SIAH1: variants seen among roughly 807,000 people sequenced by gnomAD.
The protein encoded by SIAH1 is E3 ubiquitin-protein ligase SIAH1.
In SIAH1, 2 loss-of-function variants were observed where a neutral mutation model predicts 20.0. The observed-to-expected ratio is 0.10, with a 90% CI of 0.04 to 0.31. The LOEUF is 0.31. Among genes scored for constraint, SIAH1 ranks in the 10% least tolerant of loss-of-function variants. The pLI, the probability that SIAH1 is intolerant of heterozygous loss-of-function variation, is 1.00. For missense variants in SIAH1, 119 were observed against 355.3 expected (o/e 0.33, Z 5.35); for synonymous variants, 118 against 125.3 (o/e 0.94, Z 0.39).
At chr16:48,375,175 G>A (rs1220041235) in intron 1 of SIAH1, among the ~76,000 whole-genome samples, 1 of 152,142 alleles carries the variant, frequency 6.6e-6, no homozygotes, top group Non-Finnish European at 1.5e-5. Flanking sequence ...TGGCAAAGGA[G>A]TGAGTGTGTA....
chr16:48,375,752 C>T (rs1227241929), intron 1 of SIAH1, among the ~76,000 whole-genome samples: 1 of 152,118 alleles, frequency 6.6e-6, no homozygotes, highest in African/African-American at 2.4e-5. Context: ...AATAGATATG[C>T]ACATTGATGT....
intron 1 of SIAH1, among the ~76,000 whole-genome samples, chr16:48,370,984 G>A (rs1960970752): frequency 6.6e-6 from 1 of 151,784 alleles, no homozygotes; most frequent in African/African-American, 2.4e-5. Flanking sequence ...TGTGGTGGCA[G>A]GTGCCTGTAA....
At chr16:48,365,760 C>T in intron 1 of SIAH1, 1 of 1,347,160 alleles carries the variant, frequency 7.4e-7, no homozygotes, top group South Asian at 2.2e-5. Flanking sequence ...TCGTCTGTCT[C>T]CCAAGTTTGT....
At chr16:48,368,418 G>C (rs1051129127) in intron 1 of SIAH1, among the ~76,000 whole-genome samples, 2 of 152,238 alleles carry the variant, frequency 1.3e-5, no homozygotes, top group Non-Finnish European at 2.9e-5. Context: ...AAAAACAGCT[G>C]GGCGTGGTGG....
rs1304867644 is a variant in SIAH1 at position 48,362,845 on chromosome 16, G to C, written c.-2-415C>G. The C allele has an allele frequency of 5.2e-6, 1 of 193,022 alleles. No homozygotes were observed. The highest frequency in any genetic ancestry group is 1.2e-5 in the Non-Finnish European group (1 of 84,308). The allele number at this position is 193,022 out of a possible 1,614,324, so 12.0% of individuals were successfully genotyped here. A position where few individuals can be genotyped will look rare whatever the true frequency, so the allele number is the denominator to read the frequency against. ...TCTTTCTAATTTGGAGTCAGCTGTT[G>C]ATAGGTACAGGGAGTTACAGGTGAA... On this transcript the variant is annotated intron_variant, in intron 1 of 1. Transcript: ENST00000394725. This position sits in a 1 kb window ranked among gnomAD's most constrained non-coding sequence, Gnocchi z 4.2.
intron 1 of SIAH1, among the ~76,000 whole-genome samples, chr16:48,375,080 C>T (rs1961073887): frequency 2.0e-5 from 3 of 152,180 alleles, no homozygotes; most frequent in South Asian, 2.1e-4. Flanking sequence ...AACCCGGGCA[C>T]GGAGGTTGCA....
chr16:48,380,945 A>AAAAAAAAAAAAAAAAAAAC, intron 1 of SIAH1, among the ~76,000 whole-genome samples: 3 of 150,224 alleles, frequency 2.0e-5, no homozygotes, highest in Non-Finnish European at 4.4e-5. Flanking sequence ...AAAAAAAAAA[A>AAAAAAAAAAAAAAAAAAAC]GAACGGCTAA....
rs141263408 is a variant in SIAH1 at position 48,375,360 on chromosome 16, G to T, written c.-3+9844C>A. On this transcript the variant is annotated intron_variant, in intron 1 of 1. Transcript: ENST00000394725. ...TTAAACGGGGTGGGGGGAGAGAGGC[G>T]AGGAGCAGTAGCTCACGCCTGTAAT... Among the ~76,000 whole-genome samples, 117 of 152,294 alleles carry T rather than the reference G, an allele frequency of 7.7e-4. 1 individual carries two copies. Among genetic ancestry groups the T allele is most frequent in the Middle Eastern group, 3.4e-3 (1 of 294 alleles).
At chr16:48,371,355 T>C (rs532619060) in intron 1 of SIAH1, among the ~76,000 whole-genome samples, 1 of 152,360 alleles carries the variant, frequency 6.6e-6, no homozygotes, top group South Asian at 2.1e-4. Flanking sequence ...AAAAATCATG[T>C]ATGTTCTCCT....
chr16:48,385,375 C>T lies in SIAH1; in HGVS notation c.-174G>A. 6.7e-6 allele frequency: 1 copy of T among 149,404 alleles called. No individual in the cohort carries two copies. The highest frequency in any genetic ancestry group is 1.4e-5 in the Non-Finnish European group (1 of 70,958). The allele number at this position is 149,404 out of a possible 1,614,324, so 9.3% of individuals were successfully genotyped here. A position where few individuals can be genotyped will look rare whatever the true frequency, so the allele number is the denominator to read the frequency against. ...GCCCCGCAACGGCCGCCCCGGCTCC[C>T]CCCTGGCCGCCGCCGCCGCCGCCGT... On this transcript the variant is annotated 5_prime_UTR_variant, in exon 1 of 2. Transcript: ENST00000394725.
chr16:48,365,941 C>T (rs941587251), intron 1 of SIAH1: 4 of 1,205,516 alleles, frequency 3.3e-6, no homozygotes, highest in Middle Eastern at 3.2e-4. Flanking sequence ...GCTGGGCCTG[C>T]GTTGGGAACG....
rs59376248 is a variant in SIAH1, at chr16:48,380,928, C to CAAAAAAAAAAAAAAAAAAAAAAAAA, written c.-3+4275_-3+4276insTTTTTTTTTTTTTTTTTTTTTTTTT. ...TGGGCGACAGAGTGAGACTCCGTCT[C>CAAAAAAAAAAAAAAAAAAAAAAAAA]AAAAAAAAAAAAAAAAAGAACGGCT... On this transcript the variant is annotated intron_variant, in intron 1 of 1. Coordinates refer to ENST00000394725, the MANE Select transcript of SIAH1 (RefSeq NM_003031.4). 3.1e-4 allele frequency among the ~76,000 whole-genome samples: 14 copies of CAAAAAAAAAAAAAAAAAAAAAAAAA among 44,946 alleles called. 1 individual carries two copies. Among genetic ancestry groups the CAAAAAAAAAAAAAAAAAAAAAAAAA allele is most frequent in the Non-Finnish European group, 4.4e-4 (12 of 27,050 alleles). 29.5% of individuals were successfully genotyped at this position (44,946 alleles called of 152,430 possible). A position where few individuals can be genotyped will look rare whatever the true frequency, so the allele number is the denominator to read the frequency against.
chr16:48,381,631 T>C (rs533942246), intron 1 of SIAH1, among the ~76,000 whole-genome samples: 4 of 152,292 alleles, frequency 2.6e-5, no homozygotes, highest in African/African-American at 7.2e-5. Context: ...TGCATATTAC[T>C]AAGTGAAAGA....
In SIAH1 at chr16:48,360,892, C is replaced by T. The variant is rs1420259357; in HGVS notation, c.*688G>A. On this transcript the variant is annotated 3_prime_UTR_variant, in exon 2 of 2. Transcript: ENST00000394725. ...CCGATGTCACCTTTACTTTCTGGAACTCATGGCTTCACAAAATAGCTGATT... is the reference window on the plus strand; with the variant it reads ...CCGATGTCACCTTTACTTTCTGGAATTCATGGCTTCACAAAATAGCTGATT... 4 of 152,144 alleles carry T rather than the reference C, an allele frequency of 2.6e-5. No homozygotes were observed. The highest frequency in any genetic ancestry group is 5.9e-5 in the Non-Finnish European group (4 of 68,026). The allele number at this position is 152,144 out of a possible 1,614,324, so 9.4% of individuals were successfully genotyped here.
At chr16:48,365,609 C>T in intron 1 of SIAH1, 1 of 1,454,192 alleles carries the variant, frequency 6.9e-7, no homozygotes. Flanking sequence ...ATTTACTTCT[C>T]AGAAGCACCA....
intron 1 of SIAH1, among the ~76,000 whole-genome samples, chr16:48,380,091 T>A (rs562733776): frequency 1.3e-5 from 2 of 152,224 alleles, no homozygotes; most frequent in Middle Eastern, 3.4e-3. Context: ...AGCTTTGAGA[T>A]AGAGAACAGA....
At chr16:48,379,282 A>G (rs1961194981) in intron 1 of SIAH1, among the ~76,000 whole-genome samples, 1 of 152,176 alleles carries the variant, frequency 6.6e-6, no homozygotes, top group Admixed American at 6.5e-5. Context: ...ATACTTAATA[A>G]CTGTTCATGT....
intron 1 of SIAH1, among the ~76,000 whole-genome samples, chr16:48,367,606 A>G (rs769409469): frequency 6.6e-6 from 1 of 152,208 alleles, no homozygotes; most frequent in African/African-American, 2.4e-5. Flanking sequence ...TTCAGCTGAG[A>G]CCTGATTTAA....
intron 1 of SIAH1, among the ~76,000 whole-genome samples, chr16:48,384,990 G>A (rs112033176): frequency 0.046 from 6,715 of 146,842 alleles, 216 homozygotes; most frequent in Middle Eastern, 0.15. Context: ...GCGGGGGCGA[G>A]CCGGCTTGCG....
Sources: allele counts gnomAD v4.1 joint callset (sites outside exome capture counted in the v4.1 genomes callset), GRCh38; gene constraint gnomAD v4.1.1; non-coding constraint Gnocchi (gnomAD v3.1); transcripts MANE v1.5; gene names NCBI Gene and HGNC (gene_info 2026-07-23, HGNC 2026-07-21).